ANXA10: variants seen among roughly 807,000 people sequenced by gnomAD.
ANXA10 encodes the protein annexin 14.
ANXA10 carries 49 observed loss-of-function variants against 53.5 expected under a neutral mutation model. The observed-to-expected ratio is 0.92, with a 90% CI of 0.73 to 1.16. The LOEUF (loss-of-function observed/expected upper bound fraction) is 1.16. Among genes scored for constraint, ANXA10 ranks in the 50% most tolerant of loss-of-function variants. The pLI, the probability that ANXA10 is intolerant of heterozygous loss-of-function variation, is 0.00. For missense variants in ANXA10, 393 were observed against 394.4 expected (o/e 1.00, Z 0.03); for synonymous variants, 131 against 128.9 (o/e 1.02, Z -0.11).
At chr4:168,097,504 CA>C (rs1730570935) in intron 1 of ANXA10, among the ~76,000 whole-genome samples, 1 of 152,006 alleles carries the variant, frequency 6.6e-6, no homozygotes, top group Non-Finnish European at 1.5e-5. Flanking sequence ...TGTCTCAACC[CA>C]GAACCTATGC....
intron 8 of ANXA10, 51 bp downstream of exon 8, chr4:168,178,034 A>G (rs1732167239): frequency 2.0e-6 from 3 of 1,532,590 alleles, no homozygotes; most frequent in Non-Finnish European, 2.7e-6. Context: ...TATATAACAA[A>G]AAGAAGGTGG....
At chr4:168,179,411 C>A in intron 9 of ANXA10, 99 bp downstream of exon 9, 1 of 796,800 alleles carries the variant, frequency 1.3e-6, no homozygotes, top group East Asian at 2.8e-5. Flanking sequence ...AGCTCTTGAT[C>A]GAGTCATTTT....
rs1231735170 is a variant in ANXA10, at chr4:168,155,836, CAT to C, written c.196-6686_196-6685del. Among the ~76,000 whole-genome samples, 4 of 7,270 alleles carry C rather than the reference CAT, an allele frequency of 5.5e-4. 1 individual carries two copies. The highest frequency in any genetic ancestry group is 9.0e-4 in the Non-Finnish European group (4 of 4,438). 4.8% of individuals were successfully genotyped at this position (7,270 alleles called of 152,430 possible). ...ATATTATATATGATATATGATATAT[CAT>C]ATATAATATAATATATCATATATGA... On this transcript the variant is annotated intron_variant, in intron 3 of 11. Transcript: ENST00000359299.
chr4:168,165,397 A>C (rs1731859456), intron 6 of ANXA10, 71 bp downstream of exon 6: 2 of 790,218 alleles, frequency 2.5e-6, no homozygotes, highest in Non-Finnish European at 3.8e-6. Context: ...GCCAAAAAAA[A>C]AAAAAAAAAT....
chr4:168,135,214 G>C (rs905586851), intron 2 of ANXA10, among the ~76,000 whole-genome samples: 1 of 152,160 alleles, frequency 6.6e-6, no homozygotes, highest in African/African-American at 2.4e-5. Context: ...GGAGGGCATT[G>C]GTCAATGTGA....
chr4:168,179,175 A>G (rs1048755607), intron 8 of ANXA10, 42 bp from the exon 9 acceptor site: 1 of 1,213,500 alleles, frequency 8.2e-7, no homozygotes, highest in Non-Finnish European at 1.2e-6. Context: ...TTGTATTATA[A>G]TATTTTCAAA....
intron 2 of ANXA10, among the ~76,000 whole-genome samples, chr4:168,137,090 G>C (rs116363140): frequency 0.014 from 2,190 of 152,250 alleles, 62 homozygotes; most frequent in African/African-American, 0.05. Flanking sequence ...GGGATGCAGA[G>C]AGCAGTGTCC....
intron 1 of ANXA10, among the ~76,000 whole-genome samples, chr4:168,097,574 A>G (rs2149463506): frequency 6.6e-6 from 1 of 152,082 alleles, no homozygotes; most frequent in Non-Finnish European, 1.5e-5. Context: ...TCATCCTCTT[A>G]TTAGTACAGA....
intron 6 of ANXA10, among the ~76,000 whole-genome samples, chr4:168,173,311 A>G (rs1263211418): frequency 3.3e-5 from 5 of 152,194 alleles, no homozygotes; most frequent in Non-Finnish European, 7.4e-5. Context: ...AATGTACTAT[A>G]ATAGTAAATG....
At chr4:168,116,903 G>A (rs576745858) in intron 1 of ANXA10, among the ~76,000 whole-genome samples, 1 of 152,034 alleles carries the variant, frequency 6.6e-6, no homozygotes, top group East Asian at 1.9e-4. Context: ...ACTAAGTGAT[G>A]AAACACTATG....
chr4:168,167,808 C>T lies in ANXA10; in HGVS notation c.480+2482C>T, dbSNP rs186840966. 7.9e-5 allele frequency among the ~76,000 whole-genome samples: 12 copies of T among 152,192 alleles called. No homozygotes were observed. In the East Asian group the frequency reaches 1.4e-3, roughly 17 times the overall value. Reference sequence around the variant, plus strand: ...CTCATTTATGCCTTTTTTATTTTCACGACTCAAAAACATTTCCTTGAAGGA... The same window carrying T: ...CTCATTTATGCCTTTTTTATTTTCATGACTCAAAAACATTTCCTTGAAGGA... On this transcript the variant is annotated intron_variant, in intron 6 of 11. Coordinates refer to ENST00000359299, the MANE Select transcript of ANXA10 (RefSeq NM_007193.5).
At chr4:168,184,883 G>A (rs1732335995) in intron 11 of ANXA10, among the ~76,000 whole-genome samples, 1 of 152,118 alleles carries the variant, frequency 6.6e-6, no homozygotes, top group African/African-American at 2.4e-5. Context: ...AGCTGGGCGT[G>A]GTGGCTAATG....
At chr4:168,103,661 A>G (rs1273133661) in intron 1 of ANXA10, among the ~76,000 whole-genome samples, 1 of 151,910 alleles carries the variant, frequency 6.6e-6, no homozygotes, top group African/African-American at 2.4e-5. Context: ...CATTTCCACA[A>G]ATATTTTTGA....
intron 3 of ANXA10, among the ~76,000 whole-genome samples, chr4:168,148,379 C>A (rs995853262): frequency 3.3e-5 from 5 of 152,106 alleles, no homozygotes; most frequent in Non-Finnish European, 7.4e-5. Flanking sequence ...CTTGGCCAGG[C>A]TGGTCTTGAA....
intron 3 of ANXA10, among the ~76,000 whole-genome samples, chr4:168,149,015 C>T (rs905067629): frequency 1.3e-5 from 2 of 152,064 alleles, no homozygotes; most frequent in Admixed American, 1.3e-4. Flanking sequence ...ACTCTTCTGA[C>T]ATCAAGAGGT....
intron 11 of ANXA10, among the ~76,000 whole-genome samples, chr4:168,186,801 A>G (rs1249037404): frequency 6.6e-6 from 1 of 152,176 alleles, no homozygotes; most frequent in Middle Eastern, 3.2e-3. Flanking sequence ...ATTCTGCTGT[A>G]TAAGCTATAA....
rs186734807 is a variant in ANXA10 at position 168,157,404 on chromosome 4, A to G, written c.196-5124A>G. Among the ~76,000 whole-genome samples the G allele has an allele frequency of 2.5e-3, 380 of 152,072 alleles. 3 individuals carry two copies. Among genetic ancestry groups the G allele is most frequent in the African/African-American group, 8.7e-3 (360 of 41,446 alleles). On this transcript the variant is annotated intron_variant, in intron 3 of 11. Coordinates refer to ENST00000359299, the MANE Select transcript of ANXA10 (RefSeq NM_007193.5). ...TGACTCAGCCTCCCGAGTAGCTGGG[A>G]TTACAGGCGCCTGCCACCACCCCTG...
chr4:168,166,710 C>A (rs1326853398), intron 6 of ANXA10, among the ~76,000 whole-genome samples: 1 of 149,614 alleles, frequency 6.7e-6, no homozygotes, highest in African/African-American at 2.5e-5. Flanking sequence ...TTCTAAACCT[C>A]CAAACCTTTC....
chr4:168,184,723 C>A, intron 11 of ANXA10, 42 bp downstream of exon 11: 2 of 1,602,602 alleles, frequency 1.2e-6, no homozygotes, highest in South Asian at 2.2e-5. Context: ...CACATTTTCT[C>A]CTTTTTGAAA....
Sources: gnomAD v4.1 joint callset for allele counts (sites outside exome capture counted in the v4.1 genomes callset) on GRCh38, gnomAD v4.1.1 for gene constraint, MANE v1.5 for transcripts, NCBI Gene and HGNC (gene_info 2026-07-23, HGNC 2026-07-21) for gene names.